The following SHC3 variants were observed in gnomAD, a reference collection of about 807,000 sequenced individuals.
The protein encoded by SHC3 is SHC adaptor protein 3, also known as SHC-transforming protein 3.
Under a neutral mutation model 60.4 loss-of-function variants are expected in SHC3, and 15 were observed. The ratio of observed to expected loss-of-function variants is 0.25; its 90% CI spans 0.17 to 0.38. SHC3 has a LOEUF of 0.38. Among genes scored for constraint, SHC3 ranks in the 10% least tolerant of loss-of-function variants. SHC3 has a pLI of 1.00. For missense variants in SHC3, 677 were observed against 786.1 expected, an observed-to-expected ratio of 0.86 and a Z score of 1.66; for synonymous variants, 294 against 325.9, an observed-to-expected ratio of 0.90 and a Z score of 1.05.
intron 1 of SHC3, among the ~76,000 whole-genome samples, chr9:89,141,558 T>C (rs1031366512): frequency 6.6e-6 from 1 of 152,196 alleles, no homozygotes; most frequent in Non-Finnish European, 1.5e-5. Flanking sequence ...GGGTTCCCTT[T>C]CCCTAGTGAA....
At chr9:89,037,914 G>T in intron 11 of SHC3, 79 bp downstream of exon 11, 3 of 1,522,258 alleles carry the variant, frequency 2.0e-6, no homozygotes, top group South Asian at 1.2e-5. Context: ...AATGTGGAGG[G>T]CATTTGACAA....
intron 4 of SHC3, 43 bp from the exon 5 acceptor site, chr9:89,071,295 C>T (rs373009433): frequency 1.9e-5 from 30 of 1,603,868 alleles, no homozygotes; most frequent in Non-Finnish European, 2.5e-5. Flanking sequence ...TGTTATCGCC[C>T]TTTCCACATT....
chr9:89,177,017 A>T (rs1349712655), intron 1 of SHC3, among the ~76,000 whole-genome samples: 3 of 152,120 alleles, frequency 2.0e-5, no homozygotes, highest in African/African-American at 7.2e-5. Context: ...TTTGTGTCTC[A>T]TTTCTTTCTC....
chr9:89,088,044 A>G (rs568066837), intron 2 of SHC3, among the ~76,000 whole-genome samples: 18 of 152,328 alleles, frequency 1.2e-4, no homozygotes, highest in Middle Eastern at 6.8e-3. Context: ...TTCTCTTTCC[A>G]GGTCTTTTCC....
chr9:89,126,736 T>A (rs754133522), intron 1 of SHC3, among the ~76,000 whole-genome samples: 24 of 152,286 alleles, frequency 1.6e-4, no homozygotes, highest in Non-Finnish European at 2.2e-4. Flanking sequence ...AATCACCGTT[T>A]ATCTCTTCTG....
intron 1 of SHC3, among the ~76,000 whole-genome samples, chr9:89,132,716 G>A (rs1246390354): frequency 1.3e-5 from 2 of 152,170 alleles, no homozygotes; most frequent in Non-Finnish European, 2.9e-5. Context: ...CATGTAGAAA[G>A]CTGAAACTGG....
intron 11 of SHC3, among the ~76,000 whole-genome samples, chr9:89,033,351 T>A (rs1442635190): frequency 1.3e-5 from 2 of 152,242 alleles, no homozygotes; most frequent in Non-Finnish European, 2.9e-5. Flanking sequence ...TTTGTTTTTT[T>A]AAATATCTAA....
intron 2 of SHC3, among the ~76,000 whole-genome samples, chr9:89,100,821 A>G (rs1825772445): frequency 1.3e-5 from 2 of 152,048 alleles, no homozygotes; most frequent in South Asian, 4.1e-4. Context: ...ACCTGTTTTT[A>G]TTGCTTAGAA....
intron 9 of SHC3, among the ~76,000 whole-genome samples, chr9:89,043,381 C>T (rs1483541357): frequency 6.6e-6 from 1 of 152,216 alleles, no homozygotes; most frequent in Non-Finnish European, 1.5e-5. Context: ...TTAGTGACAG[C>T]TATTTGCAGT....
chr9:89,157,390 T>C (rs10125837), intron 1 of SHC3, among the ~76,000 whole-genome samples: 16 of 152,186 alleles, frequency 1.1e-4, no homozygotes, highest in African/African-American at 3.4e-4. Context: ...CCTTAGAAGC[T>C]TCCAGAGACA....
chr9:89,138,094 A>G (rs1826344172), intron 1 of SHC3, among the ~76,000 whole-genome samples: 1 of 152,204 alleles, frequency 6.6e-6, no homozygotes, highest in Non-Finnish European at 1.5e-5. Context: ...GTGAGCTGCC[A>G]GCTACAGAGA....
chr9:89,067,704 G>A (rs1825205596), intron 5 of SHC3, among the ~76,000 whole-genome samples: 1 of 152,160 alleles, frequency 6.6e-6, no homozygotes, highest in Admixed American at 6.5e-5. Flanking sequence ...AAAAAATTCT[G>A]CCCCATGGTG....
intron 9 of SHC3, among the ~76,000 whole-genome samples, chr9:89,042,420 T>C (rs1824703014): frequency 6.6e-6 from 1 of 152,228 alleles, no homozygotes; most frequent in East Asian, 1.9e-4. Flanking sequence ...GTGGACACCT[T>C]GATGGCTCCA....
In SHC3 at chr9:89,046,949, G is replaced by A. The variant is rs1339528444; in HGVS notation, c.1008C>T (p.Gly336=). 4.3e-6 allele frequency: 7 copies of A among 1,610,156 alleles called. No individual in the cohort carries two copies. Among genetic ancestry groups the A allele is most frequent in the Non-Finnish European group, 5.9e-6 (7 of 1,178,348 alleles). The change falls in exon 8 of 12, where the codon GGC becomes GGT. Residue 336 remains glycine (G), a synonymous_variant. Coordinates refer to ENST00000375835, the MANE Select transcript of SHC3 (RefSeq NM_016848.6). The stretch of plus-strand genomic sequence containing the variant: ...TGCTGTTGTAGTATGGGTGGTCTGA[G>A]CCATCTCCCTCCTCTTCCGTCCATG... ...DEPWTEEEGD[G]SDHPYYNSIP... is the part of the protein sequence containing the mutation.
intron 1 of SHC3, among the ~76,000 whole-genome samples, chr9:89,157,423 C>T (rs977160607): frequency 3.9e-5 from 6 of 152,342 alleles, no homozygotes; most frequent in African/African-American, 1.4e-4. Flanking sequence ...TCCCCGGAAG[C>T]CTCCAGAACA....
At position 89,038,108 on chromosome 9, in the gene SHC3, T is replaced by C. The variant is rs79508174; in HGVS notation, c.1541A>G (p.Glu514Gly). 6.2e-7 allele frequency: 1 copy of C among 1,613,980 alleles called. No individual in the cohort carries two copies. The highest frequency in any genetic ancestry group is 1.7e-5 in the Admixed American group (1 of 59,994). The stretch of plus-strand genomic sequence containing the variant: ...CCTGACCAGGAAGTCTCCGTCTTTC[T>C]CCAGCAGCCCCTCTGCCTCCTTCCT... ...MSRKEAEGLL[E>G]KDGDFLVRKS... is the part of the protein sequence containing the mutation. Residue 514 changes from glutamate to glycine, a missense_variant, in exon 11 of 12, where the codon GAG (glutamate) becomes GGG (glycine). Coordinates refer to ENST00000375835, the MANE Select transcript of SHC3 (RefSeq NM_016848.6).
intron 6 of SHC3, among the ~76,000 whole-genome samples, chr9:89,056,007 A>G (rs1824943240): frequency 6.6e-6 from 1 of 152,262 alleles, no homozygotes; most frequent in Non-Finnish European, 1.5e-5. Flanking sequence ...TTAGCCGTGA[A>G]AGCATTACTC....
chr9:89,109,845 C>G, intron 2 of SHC3: 12 of 985,492 alleles, frequency 1.2e-5, no homozygotes, highest in Non-Finnish European at 1.4e-5. Flanking sequence ...GATTACTCAG[C>G]TAACTTCTAA....
intron 1 of SHC3, among the ~76,000 whole-genome samples, chr9:89,173,994 A>G (rs1383957064): frequency 1.3e-5 from 2 of 152,166 alleles, no homozygotes; most frequent in African/African-American, 4.8e-5. Context: ...TTCAGTCTAG[A>G]GGTAAAATAA....
Sources: allele counts gnomAD v4.1 joint callset (sites outside exome capture counted in the v4.1 genomes callset), GRCh38; gene constraint gnomAD v4.1.1; transcripts MANE v1.5; gene names NCBI Gene and HGNC (gene_info 2026-07-23, HGNC 2026-07-21).